GMEB1: variants seen among roughly 807,000 people sequenced by gnomAD.
The protein encoded by GMEB1 is glucocorticoid modulatory element-binding protein 1.
GMEB1 carries 6 observed loss-of-function variants against 52.4 expected under a neutral mutation model. The observed-to-expected ratio is 0.11, with a 90% CI of 0.06 to 0.23. The LOEUF (loss-of-function observed/expected upper bound fraction) is 0.23, where lower values mean the gene tolerates loss of function less well. Ranked by LOEUF, GMEB1 falls within the 10% of genes least tolerant of loss-of-function variation. GMEB1 has a pLI of 1.00. For synonymous variants in GMEB1, 255 were observed against 244.9 expected, an observed-to-expected ratio of 1.04 and a Z score of -0.38; for missense variants, 486 against 685.6, an observed-to-expected ratio of 0.71 and a Z score of 3.25.
intron 2 of GMEB1, among the ~76,000 whole-genome samples, chr1:28,688,977 C>T (rs1158629943): frequency 6.7e-5 from 10 of 149,916 alleles, no homozygotes; most frequent in African/African-American, 2.2e-4. Context: ...CTGCAACCTC[C>T]GCCTCCCGGG....
chr1:28,692,369 T>C (rs1670007506), intron 4 of GMEB1, among the ~76,000 whole-genome samples: 1 of 151,962 alleles, frequency 6.6e-6, no homozygotes, highest in South Asian at 2.1e-4. Flanking sequence ...CCATCTCTAC[T>C]AAAAATACAA....
intron 1 of GMEB1, among the ~76,000 whole-genome samples, chr1:28,671,963 C>T (rs954755722): frequency 6.6e-6 from 1 of 150,734 alleles, no homozygotes; most frequent in African/African-American, 2.4e-5. Context: ...CTAAAAAATA[C>T]AAAAATTAGC....
chr1:28,699,831 C>T (rs893293578), intron 6 of GMEB1, among the ~76,000 whole-genome samples: 1 of 150,820 alleles, frequency 6.6e-6, no homozygotes, highest in African/African-American at 2.4e-5. Context: ...TCCCAGCACT[C>T]TGGGAAGCTG....
rs1671238402 is a variant in GMEB1, at chr1:28,715,291, A to T, written c.*518A>T. ...TGCTTTGAGGGGAAGGTGGCATGCC[A>T]GCACTAGCTTAAAAAGGGAAGTGCT... On this transcript the variant is annotated 3_prime_UTR_variant, in exon 10 of 10. Coordinates refer to ENST00000373816, the MANE Select transcript of GMEB1 (RefSeq NM_001319674.2). 1 of 154,300 alleles carries T rather than the reference A, an allele frequency of 6.5e-6. No homozygotes were observed. The highest frequency in any genetic ancestry group is 6.4e-5 in the Admixed American group (1 of 15,700). 9.6% of individuals were successfully genotyped at this position (154,300 alleles called of 1,614,324 possible).
intron 1 of GMEB1, among the ~76,000 whole-genome samples, chr1:28,682,582 A>G (rs939076580): frequency 2.0e-5 from 3 of 150,420 alleles, no homozygotes; most frequent in Non-Finnish European, 4.4e-5. Context: ...AGATCATGCC[A>G]CAGCACTCGT....
chr1:28,692,182 T>C (rs1161134060), intron 4 of GMEB1, among the ~76,000 whole-genome samples: 1 of 151,752 alleles, frequency 6.6e-6, no homozygotes, highest in East Asian at 1.9e-4. Flanking sequence ...GGCTAATTTT[T>C]TGTAGAGATG....
At chr1:28,701,475 A>G (rs1170075435) in intron 6 of GMEB1, among the ~76,000 whole-genome samples, 2 of 151,800 alleles carry the variant, frequency 1.3e-5, no homozygotes, top group Non-Finnish European at 2.9e-5. Context: ...TCACCGTGTT[A>G]ACCAGGATGG....
intron 8 of GMEB1, among the ~76,000 whole-genome samples, chr1:28,708,874 G>A (rs1403868463): frequency 1.3e-5 from 2 of 150,960 alleles, no homozygotes; most frequent in African/African-American, 4.9e-5. Context: ...GCTCTCGCCT[G>A]TAATCCCAGC....
rs1002114580 is a variant in GMEB1 at position 28,718,270 on chromosome 1, C to T, written c.*3497C>T. The stretch of plus-strand genomic sequence containing the variant: ...GAGAGATGAAGACATAGTCCTTGCA[C>T]TTAAGGAATTCATACTCCAGATGTC... On this transcript the variant is annotated 3_prime_UTR_variant, in exon 10 of 10. Transcript: ENST00000373816. 5.3e-5 allele frequency: 8 copies of T among 152,156 alleles called. No homozygotes were observed. The highest frequency in any genetic ancestry group is 1.9e-4 in the African/African-American group (8 of 41,442). 9.4% of individuals were successfully genotyped at this position (152,156 alleles called of 1,614,324 possible).
chr1:28,688,303 A>T (rs1020990567), intron 2 of GMEB1, among the ~76,000 whole-genome samples: 1 of 152,166 alleles, frequency 6.6e-6, no homozygotes, highest in Non-Finnish European at 1.5e-5. Flanking sequence ...ACACACATAC[A>T]AATGTATTTA....
intron 1 of GMEB1, among the ~76,000 whole-genome samples, chr1:28,669,084 C>T (rs1349382727): frequency 6.8e-6 from 1 of 148,008 alleles, no homozygotes; most frequent in African/African-American, 2.4e-5. Context: ...CGCCGGGCCG[C>T]CCCCAGCGCA....
At chr1:28,704,041 A>G (rs887205161) in intron 7 of GMEB1, 151 bp from the exon 8 acceptor site, 11 of 639,166 alleles carry the variant, frequency 1.7e-5, no homozygotes, top group African/African-American at 3.8e-5. Context: ...GGAAGCATCT[A>G]GTATTCCAAA....
chr1:28,716,745 G>C lies in GMEB1; in HGVS notation c.*1972G>C, dbSNP rs967874787. On this transcript the variant is annotated 3_prime_UTR_variant, in exon 10 of 10. Transcript: ENST00000373816. ...GGAATGTCAATAATAATGCTTTGGG[G>C]GGGGGGGTTATTTTGTTTTGTTTTG... 1 of 150,516 alleles carries C rather than the reference G, an allele frequency of 6.6e-6. No homozygotes were observed. The highest frequency in any genetic ancestry group is 1.5e-5 in the Non-Finnish European group (1 of 67,758). 9.3% of individuals were successfully genotyped at this position (150,516 alleles called of 1,614,324 possible).
chr1:28,687,874 G>T (rs1669760146), intron 2 of GMEB1, among the ~76,000 whole-genome samples: 1 of 152,014 alleles, frequency 6.6e-6, no homozygotes, highest in Admixed American at 6.6e-5. Context: ...GCTGAGTGGT[G>T]CTATTAACAA....
At chr1:28,698,386 A>G (rs1670328378) in intron 6 of GMEB1, among the ~76,000 whole-genome samples, 1 of 151,692 alleles carries the variant, frequency 6.6e-6, no homozygotes, top group Admixed American at 6.6e-5. Flanking sequence ...TAAAAAAAAA[A>G]AAAAGAAGCC....
chr1:28,691,811 T>C, intron 4 of GMEB1, 102 bp downstream of exon 4: 1 of 174,628 alleles, frequency 5.7e-6, no homozygotes, highest in Non-Finnish European at 1.1e-5. Flanking sequence ...CAGTTTTATT[T>C]ATTTATTTAT....
intron 1 of GMEB1, among the ~76,000 whole-genome samples, chr1:28,680,147 A>G (rs1181616088): frequency 6.6e-6 from 1 of 152,024 alleles, no homozygotes; most frequent in Non-Finnish European, 1.5e-5. Flanking sequence ...TTGGGAGGCC[A>G]AGGCCGGATG....
At chr1:28,698,661 C>T (rs1300393582) in intron 6 of GMEB1, among the ~76,000 whole-genome samples, 12 of 136,894 alleles carry the variant, frequency 8.8e-5, no homozygotes, top group Admixed American at 2.5e-4. Context: ...GGCGACAAAG[C>T]GAGACTCCAT....
intron 6 of GMEB1, among the ~76,000 whole-genome samples, chr1:28,701,991 G>A (rs911163727): frequency 1.3e-5 from 2 of 152,122 alleles, no homozygotes; most frequent in Non-Finnish European, 2.9e-5. Flanking sequence ...AAATAAGTTA[G>A]ATGCTTAGCA....
Sources: gnomAD v4.1 joint callset for allele counts (sites outside exome capture counted in the v4.1 genomes callset) on GRCh38, gnomAD v4.1.1 for gene constraint, MANE v1.5 for transcripts, NCBI Gene and HGNC (gene_info 2026-07-23, HGNC 2026-07-21) for gene names.